DACH2: variants seen among roughly 807,000 people sequenced by gnomAD.
DACH2 encodes dachshund family transcription factor 2.
DACH2 carries 17 observed loss-of-function variants against 35.8 expected under a neutral mutation model. The ratio of observed to expected loss-of-function variants is 0.48; its 90% CI spans 0.33 to 0.71. The LOEUF is 0.71. DACH2 is among the 30% of genes least tolerant of loss of function. The pLI, the probability that DACH2 is intolerant of heterozygous loss-of-function variation, is 0.02. For synonymous variants in DACH2, 195 were observed against 177.3 expected (o/e 1.10, Z -0.79); for missense variants, 469 against 472.7 (o/e 0.99, Z 0.07).
Position 86,732,166 on chromosome X carries a change from C to T in DACH2, c.1105-7581C>T, listed in dbSNP as rs768753316. Among the ~76,000 whole-genome samples the T allele has an allele frequency of 9.5e-4, 106 of 111,357 alleles. No homozygotes were observed. The Middle Eastern group carries it at 0.014, about 15-fold the overall frequency. On this transcript the variant is annotated intron_variant, in intron 6 of 11. Coordinates refer to ENST00000373125, the MANE Select transcript of DACH2 (RefSeq NM_053281.3). The stretch of plus-strand genomic sequence containing the variant: ...GAATGGAAGGTCTAGAACCATCAGT[C>T]ATTTTGAGAACAAGAAAGGATAATA...
At chrX:86,816,148 CTGGGGATGAGG>C (rs774270538) in intron 11 of DACH2, 49 bp downstream of exon 11, 29 of 911,391 alleles carry the variant, frequency 3.2e-5, no homozygotes, top group Non-Finnish European at 4.0e-5. Context: ...TATGTGACCC[CTGGGGATGAGG>C]TGGGGATGAG....
intron 6 of DACH2, among the ~76,000 whole-genome samples, chrX:86,725,830 C>CT (rs751182457): frequency 5.4e-5 from 6 of 111,214 alleles, no homozygotes; most frequent in African/African-American, 6.5e-5. Context: ...CCCTGGCCTG[C>CT]TGGTAGCACA....
chrX:86,544,337 G>T (rs1412803824), intron 3 of DACH2, among the ~76,000 whole-genome samples: 1 of 110,834 alleles, frequency 9.0e-6, no homozygotes, highest in African/African-American at 3.3e-5. Context: ...AAGACATATA[G>T]TCATCAGATT....
At chrX:86,783,303 C>T (rs1285665850) in intron 7 of DACH2, among the ~76,000 whole-genome samples, 2 of 111,803 alleles carry the variant, frequency 1.8e-5, no homozygotes, top group African/African-American at 3.2e-5. Context: ...AGGGACCCCT[C>T]GTAAACTGTT....
chrX:86,187,444 G>T (rs1255499145), intron 1 of DACH2, among the ~76,000 whole-genome samples: 1 of 101,175 alleles, frequency 9.9e-6, no homozygotes, highest in African/African-American at 3.7e-5. Context: ...TCGAGATGGA[G>T]TCTCACTCTG....
intron 1 of DACH2, among the ~76,000 whole-genome samples, chrX:86,319,158 G>A (rs2034970254): frequency 8.9e-6 from 1 of 111,751 alleles, no homozygotes. Context: ...TTATTTCAGA[G>A]TTTAATTTAC....
At chrX:86,726,479 C>T (rs1007610757) in intron 6 of DACH2, among the ~76,000 whole-genome samples, 1 of 110,900 alleles carries the variant, frequency 9.0e-6, no homozygotes, top group Non-Finnish European at 1.9e-5. Context: ...AGCAGGGTGG[C>T]GGAGATTGTC....
intron 1 of DACH2, among the ~76,000 whole-genome samples, chrX:86,371,011 A>G (rs951603829): frequency 2.7e-5 from 3 of 111,250 alleles, no homozygotes; most frequent in Non-Finnish European, 3.8e-5. Context: ...CAGTAATCCT[A>G]TTTTTGATAT....
intron 4 of DACH2, among the ~76,000 whole-genome samples, chrX:86,654,788 A>T (rs2040521755): frequency 2.7e-5 from 3 of 111,417 alleles, no homozygotes; most frequent in Non-Finnish European, 5.7e-5. Context: ...TGATGTAATG[A>T]AGTGAAGCTG....
chrX:86,710,029 A>G (rs1023095639), intron 5 of DACH2, among the ~76,000 whole-genome samples: 2 of 112,061 alleles, frequency 1.8e-5, no homozygotes, highest in African/African-American at 6.5e-5. Context: ...ATACAAATCA[A>G]TGGAGAACTT....
chrX:86,738,799 G>C (rs1343264), intron 6 of DACH2, among the ~76,000 whole-genome samples: 53,574 of 110,434 alleles, frequency 0.49, 9,464 homozygotes, highest in Middle Eastern at 0.64. Context: ...ATATGGAATA[G>C]TAGAAGAATT....
intron 3 of DACH2, among the ~76,000 whole-genome samples, chrX:86,589,410 A>G (rs763362593): frequency 9.0e-6 from 1 of 111,053 alleles, no homozygotes; most frequent in East Asian, 2.8e-4. Flanking sequence ...TTTTAGATAC[A>G]TTTTAAGTTT....
intron 7 of DACH2, among the ~76,000 whole-genome samples, chrX:86,806,246 T>A (rs1382943389): frequency 1.8e-5 from 2 of 110,827 alleles, no homozygotes; most frequent in African/African-American, 6.6e-5. Context: ...GAACTTTCAA[T>A]CATGGTAGAA....
intron 1 of DACH2, among the ~76,000 whole-genome samples, chrX:86,265,076 CA>C (rs2033688966): frequency 1.8e-5 from 2 of 111,516 alleles, no homozygotes. Flanking sequence ...AAGGTCTAAC[CA>C]TAAGCTCAGC....
At chrX:86,780,225 A>G (rs2042077151) in intron 7 of DACH2, among the ~76,000 whole-genome samples, 1 of 109,938 alleles carries the variant, frequency 9.1e-6, no homozygotes, top group South Asian at 3.9e-4. Flanking sequence ...TTAAAGAAAC[A>G]TCAGCCCACA....
chrX:86,442,150 G>A (rs1457167412), intron 2 of DACH2, among the ~76,000 whole-genome samples: 1 of 110,152 alleles, frequency 9.1e-6, no homozygotes, highest in Non-Finnish European at 1.9e-5. Flanking sequence ...TTACAGGCAT[G>A]GGTCACTGCA....
intron 2 of DACH2, among the ~76,000 whole-genome samples, chrX:86,452,886 C>T (rs1183353087): frequency 9.0e-6 from 1 of 111,190 alleles, no homozygotes; most frequent in Non-Finnish European, 1.9e-5. Flanking sequence ...CTCTAGTTCT[C>T]TAGTTCTTTT....
intron 4 of DACH2, among the ~76,000 whole-genome samples, chrX:86,663,763 A>G (rs1311938178): frequency 8.9e-6 from 1 of 112,007 alleles, no homozygotes; most frequent in African/African-American, 3.2e-5. Context: ...ATTTGACACC[A>G]TGTCCGCTTA....
At chrX:86,707,634 C>T (rs894348832) in intron 5 of DACH2, among the ~76,000 whole-genome samples, 7 of 110,285 alleles carry the variant, frequency 6.3e-5, no homozygotes, top group East Asian at 5.8e-4. Context: ...AATTACACAC[C>T]GCCCAGGCGC....
Sources: allele counts gnomAD v4.1 joint callset (sites outside exome capture counted in the v4.1 genomes callset), GRCh38; gene constraint gnomAD v4.1.1; transcripts MANE v1.5; gene names NCBI Gene and HGNC (gene_info 2026-07-23, HGNC 2026-07-21).